Variants in LRRTM4 observed in about 807,000 individuals in gnomAD.
The protein encoded by LRRTM4 is leucine rich repeat transmembrane neuronal 4, also known as leucine-rich repeat transmembrane neuronal protein 4.
Under a neutral mutation model 47.6 loss-of-function variants are expected in LRRTM4, and 25 were observed. The observed-to-expected ratio is 0.53, with a 90% CI of 0.38 to 0.73. The LOEUF is 0.73. LRRTM4 is among the 30% of genes least tolerant of loss of function. LRRTM4 has a pLI of 0.00. For missense variants in LRRTM4, 638 were observed against 713.4 expected (o/e 0.89, Z 1.20); for synonymous variants, 311 against 269.5 (o/e 1.15, Z -1.51).
chr2:76,939,285 G>A (rs1675056079), intron 3 of LRRTM4, among the ~76,000 whole-genome samples: 1 of 152,122 alleles, frequency 6.6e-6, no homozygotes, highest in African/African-American at 2.4e-5. Context: ...TTTTCTGGGA[G>A]TCTTTGCTTT....
rs113370299 is a variant in LRRTM4 at position 77,023,236 on chromosome 2, C to G, written c.1552-274320G>C. Among the ~76,000 whole-genome samples the G allele has an allele frequency of 8.9e-3, 1,356 of 152,348 alleles. 21 individuals carry two copies. The highest frequency in any genetic ancestry group is 0.031 in the African/African-American group (1,307 of 41,590). On this transcript the variant is annotated intron_variant, in intron 3 of 3. Transcript: ENST00000409884. ...AGATGCAGGGCACCATGTCCCTAGACTGCACACAGCACAGGGACCCTGGCC... is the reference window on the plus strand; with the variant it reads ...AGATGCAGGGCACCATGTCCCTAGAGTGCACACAGCACAGGGACCCTGGCC...
chr2:77,169,722 G>A (rs1672991836), intron 3 of LRRTM4, among the ~76,000 whole-genome samples: 1 of 152,108 alleles, frequency 6.6e-6, no homozygotes, highest in Non-Finnish European at 1.5e-5. Context: ...CCAGTGCCAT[G>A]TCCCTGGACG....
intron 3 of LRRTM4, among the ~76,000 whole-genome samples, chr2:77,413,754 C>A (rs756307063): frequency 6.6e-6 from 1 of 152,006 alleles, no homozygotes; most frequent in East Asian, 1.9e-4. Context: ...ACACTATCAC[C>A]TAATGGAATG....
chr2:77,039,211 G>T (rs1174285084), intron 3 of LRRTM4, among the ~76,000 whole-genome samples: 1 of 151,230 alleles, frequency 6.6e-6, no homozygotes, highest in Non-Finnish European at 1.5e-5. Context: ...AGCTTCTAAG[G>T]ATGAAAAAGT....
chr2:76,892,364 C>T (rs1673282261), intron 3 of LRRTM4, among the ~76,000 whole-genome samples: 1 of 151,500 alleles, frequency 6.6e-6, no homozygotes, highest in Non-Finnish European at 1.5e-5. Flanking sequence ...TCTCATAATA[C>T]TGGTAATAAT....
chr2:76,779,775 T>C (rs953789095), intron 3 of LRRTM4, among the ~76,000 whole-genome samples: 4 of 152,296 alleles, frequency 2.6e-5, no homozygotes, highest in Middle Eastern at 3.4e-3. Flanking sequence ...AAAGATAATA[T>C]TGTTTTGTGT....
intron 3 of LRRTM4, among the ~76,000 whole-genome samples, chr2:77,421,836 A>T (rs1674908754): frequency 6.6e-6 from 1 of 152,242 alleles, no homozygotes; most frequent in South Asian, 2.1e-4. Flanking sequence ...TGAGATAACG[A>T]TATACAATCA....
intron 3 of LRRTM4, among the ~76,000 whole-genome samples, chr2:77,213,636 C>G (rs1288061106): frequency 1.3e-5 from 2 of 152,144 alleles, no homozygotes; most frequent in Non-Finnish European, 2.9e-5. Flanking sequence ...TTCTCTGCTT[C>G]TTCATGAGCT....
At chr2:76,877,325 T>G (rs1288533765) in intron 3 of LRRTM4, among the ~76,000 whole-genome samples, 35 of 152,152 alleles carry the variant, frequency 2.3e-4, no homozygotes, top group Admixed American at 2.3e-3. Context: ...GTATATACAT[T>G]TTAAAAACAA....
At chr2:77,414,586 G>C (rs1674567466) in intron 3 of LRRTM4, among the ~76,000 whole-genome samples, 2 of 152,064 alleles carry the variant, frequency 1.3e-5, no homozygotes, top group African/African-American at 4.8e-5. Flanking sequence ...TAGAATTTTA[G>C]GTATAATTTG....
chr2:77,381,458 C>T (rs1673047814), intron 3 of LRRTM4, among the ~76,000 whole-genome samples: 2 of 151,948 alleles, frequency 1.3e-5, no homozygotes, highest in South Asian at 2.1e-4. Flanking sequence ...ATTGCTTTAA[C>T]ACTAAAAGAT....
chr2:77,097,887 T>C (rs1670853630), intron 3 of LRRTM4, among the ~76,000 whole-genome samples: 1 of 151,950 alleles, frequency 6.6e-6, no homozygotes, highest in Admixed American at 6.6e-5. Flanking sequence ...ACAATGGTTA[T>C]TGTTTAAATA....
At position 77,521,749 on chromosome 2, in the gene LRRTM4, C is replaced by G; in HGVS notation, c.-78G>C. ...TCTCTTGTGCGGAAACCACCACCAC[C>G]TTCATGACACAGTGCGGCTGTCATT... is the stretch of plus-strand genomic sequence containing the variant. On this transcript the variant is annotated 5_prime_UTR_variant, in exon 2 of 4. Transcript: ENST00000409884. The G allele has an allele frequency of 6.6e-7, 1 of 1,522,812 alleles. No individual in the cohort carries two copies. 94.3% of individuals were successfully genotyped at this position (1,522,812 alleles called of 1,614,324 possible).
chr2:77,357,327 AC>A (rs1467109182), intron 3 of LRRTM4, among the ~76,000 whole-genome samples: 3 of 152,138 alleles, frequency 2.0e-5, no homozygotes, highest in Non-Finnish European at 4.4e-5. Context: ...GATGATCCTG[AC>A]CTTTTTCTAT....
chr2:77,369,183 T>C (rs1295510325), intron 3 of LRRTM4, among the ~76,000 whole-genome samples: 2 of 151,820 alleles, frequency 1.3e-5, no homozygotes, highest in Non-Finnish European at 2.9e-5. Flanking sequence ...ATTCTTTTAA[T>C]ATGGTTTTGT....
intron 3 of LRRTM4, among the ~76,000 whole-genome samples, chr2:76,949,405 A>G (rs577377605): frequency 2.1e-4 from 32 of 152,092 alleles, no homozygotes; most frequent in African/African-American, 6.7e-4. Context: ...ACAGAGCTCA[A>G]TATAATGCAA....
intron 3 of LRRTM4, among the ~76,000 whole-genome samples, chr2:76,771,172 C>T (rs1396244924): frequency 1.3e-5 from 2 of 152,102 alleles, no homozygotes; most frequent in African/African-American, 2.4e-5. Context: ...TACAGTGACA[C>T]AATCACTGAT....
At chr2:77,368,738 G>A (rs1422532686) in intron 3 of LRRTM4, among the ~76,000 whole-genome samples, 1 of 151,732 alleles carries the variant, frequency 6.6e-6, no homozygotes, top group Non-Finnish European at 1.5e-5. Context: ...CCAAACGAAA[G>A]GAAAGGAATA....
intron 3 of LRRTM4, among the ~76,000 whole-genome samples, chr2:76,853,225 C>G (rs984533396): frequency 6.6e-6 from 1 of 152,014 alleles, no homozygotes; most frequent in Non-Finnish European, 1.5e-5. Context: ...GGGCTATTGT[C>G]GCTATCATAG....
Sources: gnomAD v4.1 joint callset for allele counts (sites outside exome capture counted in the v4.1 genomes callset) on GRCh38, gnomAD v4.1.1 for gene constraint, MANE v1.5 for transcripts, NCBI Gene and HGNC (gene_info 2026-07-23, HGNC 2026-07-21) for gene names.